SRGAP3: variants seen among roughly 807,000 people sequenced by gnomAD.
The protein encoded by SRGAP3 is SLIT-ROBO Rho GTPase activating protein 3.
SRGAP3 carries 39 observed loss-of-function variants against 121.1 expected under a neutral mutation model. The ratio of observed to expected loss-of-function variants is 0.32; its 90% confidence interval spans 0.25 to 0.42. SRGAP3 has a LOEUF of 0.42. Ranked by LOEUF, SRGAP3 falls within the 10% of genes least tolerant of loss-of-function variation. The probability of loss-of-function intolerance (pLI) is 1.00; values close to 1 mark genes in which losing one functional copy is unlikely to be tolerated. For synonymous variants in SRGAP3, 601 were observed against 570.0 expected, an observed-to-expected ratio of 1.05 and a Z score of -0.77; for missense variants, 1,213 against 1,470.6, an observed-to-expected ratio of 0.82 and a Z score of 2.86.
intron 3 of SRGAP3, among the ~76,000 whole-genome samples, chr3:9,314,183 T>C (rs929411096): frequency 3.3e-5 from 5 of 152,172 alleles, no homozygotes; most frequent in African/African-American, 1.2e-4. Flanking sequence ...TGATGATCAT[T>C]AAGTAAAGGC....
chr3:9,037,019 A>G (rs1326095728), intron 11 of SRGAP3: 1 of 152,166 alleles, frequency 6.6e-6, no homozygotes, highest in Non-Finnish European at 1.5e-5. Flanking sequence ...TCCTGAGCCC[A>G]GGAAACTGAA....
rs1319488735 is a variant in SRGAP3 at position 8,981,735 on chromosome 3, TC to T, written c.*3783del. 4 of 230,630 alleles carry T rather than the reference TC, an allele frequency of 1.7e-5. No individual in the cohort carries two copies. Among genetic ancestry groups the T allele is most frequent in the Admixed American group, 5.7e-5 (1 of 17,672 alleles). The allele number at this position is 230,630 out of a possible 1,614,324, so 14.3% of individuals were successfully genotyped here. On this transcript the variant is annotated 3_prime_UTR_variant, in exon 22 of 22. Transcript: ENST00000383836. ...TAAGGCAGATCTCTGAACTGCTGGTTCCAGCCGATAGCCAAAATATGGCTCA... is the reference window on the plus strand; with the variant it reads ...TAAGGCAGATCTCTGAACTGCTGGTTCAGCCGATAGCCAAAATATGGCTCA...
At chr3:9,217,183 C>A (rs1359074539) in intron 1 of SRGAP3, among the ~76,000 whole-genome samples, 3 of 151,984 alleles carry the variant, frequency 2.0e-5, no homozygotes, top group Non-Finnish European at 2.9e-5. Flanking sequence ...CTTTTCGACA[C>A]AATAAAAAAA....
chr3:9,174,787 C>T (rs1951117077), intron 1 of SRGAP3, among the ~76,000 whole-genome samples: 1 of 152,170 alleles, frequency 6.6e-6, no homozygotes, highest in African/African-American at 2.4e-5. Flanking sequence ...CCATGTTTTT[C>T]ATCTCATTTG....
intron 11 of SRGAP3, chr3:9,035,766 T>C (rs3732977): frequency 0.13 from 20,235 of 161,752 alleles, 1,610 homozygotes; most frequent in East Asian, 0.37. Flanking sequence ...CTCAAAATTA[T>C]CCTGCAACTA....
At chr3:9,356,196 T>TC (rs1405500117) in intron 1 of SRGAP3, among the ~76,000 whole-genome samples, 6 of 142,196 alleles carry the variant, frequency 4.2e-5, no homozygotes, top group Non-Finnish European at 6.1e-5. Context: ...TTTTTTCTTT[T>TC]TTTTTTTTTT....
intron 1 of SRGAP3, among the ~76,000 whole-genome samples, chr3:9,245,319 G>A (rs960881668): frequency 5.3e-5 from 8 of 152,166 alleles, no homozygotes; most frequent in African/African-American, 1.9e-4. Context: ...GCACTGAGGT[G>A]GTAGGCCAGC....
chr3:9,136,775 G>A (rs927337976), intron 1 of SRGAP3, among the ~76,000 whole-genome samples: 1 of 152,178 alleles, frequency 6.6e-6, no homozygotes, highest in East Asian at 1.9e-4. Context: ...CGGAGACTCC[G>A]CCAGGAGCTT....
chr3:9,322,769 G>T (rs1204123273), intron 3 of SRGAP3, among the ~76,000 whole-genome samples: 1 of 151,760 alleles, frequency 6.6e-6, no homozygotes, highest in Non-Finnish European at 1.5e-5. Context: ...GTTGGGGACT[G>T]CCATCTTAAT....
In SRGAP3 at chr3:9,239,454, C is replaced by T. The variant is rs1428830219; in HGVS notation, c.67+9431G>A. 6.6e-6 allele frequency among the ~76,000 whole-genome samples: 1 copy of T among 152,106 alleles called. No individual in the cohort carries two copies. The highest frequency in any genetic ancestry group is 1.5e-5 in the Non-Finnish European group (1 of 68,028). On this transcript the variant is annotated intron_variant, in intron 1 of 21. Coordinates refer to ENST00000383836, the MANE Select transcript of SRGAP3 (RefSeq NM_014850.4). The surrounding 1 kb of genome is among the most constrained non-coding windows in gnomAD (Gnocchi z 4.0). The stretch of plus-strand genomic sequence containing the variant: ...GAAAGAAAAATATATTTCTTGTGCA[C>T]CTGGGTTTGTAGCTGAGATTTGTTC...
At position 9,066,298 on chromosome 3, in the gene SRGAP3, G is replaced by C. The variant is rs368924421; in HGVS notation, c.487-1717C>G. On this transcript the variant is annotated intron_variant, in intron 4 of 21. Transcript: ENST00000383836. ...AACTTCTGGAATCCATGGCTCCTGG[G>C]CCTTGTTCATTCTCTTCTGTGGCTT... 1.1e-4 allele frequency among the ~76,000 whole-genome samples: 16 copies of C among 152,110 alleles called. 1 individual carries two copies. Among genetic ancestry groups the C allele is most frequent in the East Asian group, 9.6e-4 (5 of 5,196 alleles).
intron 8 of SRGAP3, among the ~76,000 whole-genome samples, chr3:9,055,885 TTTTGTTTGTTTGTTTG>T (rs146660097): frequency 2.0e-5 from 3 of 150,628 alleles, no homozygotes; most frequent in Admixed American, 2.0e-4. Flanking sequence ...TCCTTTTGTG[TTTTGTTTGTTTGTTTG>T]TTTGTTTGTT....
intron 9 of SRGAP3, among the ~76,000 whole-genome samples, chr3:9,052,355 G>A (rs559621752): frequency 1.3e-5 from 2 of 152,144 alleles, no homozygotes; most frequent in South Asian, 2.1e-4. Context: ...AAACAAAAGG[G>A]CTGTCTGGGG....
At chr3:9,153,073 G>T (rs899727480) in intron 1 of SRGAP3, among the ~76,000 whole-genome samples, 2 of 152,138 alleles carry the variant, frequency 1.3e-5, no homozygotes, top group East Asian at 3.9e-4. Flanking sequence ...AGGGAGCATG[G>T]AACCCCACCT....
chr3:9,324,683 G>A (rs1279189531), intron 3 of SRGAP3, among the ~76,000 whole-genome samples: 2 of 151,700 alleles, frequency 1.3e-5, no homozygotes, highest in African/African-American at 2.4e-5. Flanking sequence ...TGGGCTGGGT[G>A]CAGTGGCTCA....
At chr3:9,023,549 C>G (rs1273202343) in intron 14 of SRGAP3, among the ~76,000 whole-genome samples, 2 of 152,202 alleles carry the variant, frequency 1.3e-5, no homozygotes, top group African/African-American at 2.4e-5. Flanking sequence ...TTCCTCCCCA[C>G]TCCATCCAGG....
chr3:9,176,043 T>C (rs888255192), intron 1 of SRGAP3, among the ~76,000 whole-genome samples: 3 of 152,158 alleles, frequency 2.0e-5, no homozygotes, highest in Non-Finnish European at 2.9e-5. Flanking sequence ...CACCTCAGCC[T>C]CCAGAGTAGC....
chr3:9,283,694 TA>T (rs869273028), intron 3 of SRGAP3, among the ~76,000 whole-genome samples: 1 of 151,562 alleles, frequency 6.6e-6, no homozygotes, highest in Non-Finnish European at 1.5e-5. Flanking sequence ...ATAATTTTTT[TA>T]AAAAAAAGAA....
intron 1 of SRGAP3, among the ~76,000 whole-genome samples, chr3:9,155,940 C>A (rs1310592268): frequency 6.6e-6 from 1 of 152,142 alleles, no homozygotes; most frequent in Non-Finnish European, 1.5e-5. Flanking sequence ...CTCAGCCTCC[C>A]GAGTAGCTGG....
Sources: gnomAD v4.1 joint callset for allele counts (sites outside exome capture counted in the v4.1 genomes callset) on GRCh38, gnomAD v4.1.1 for gene constraint, Gnocchi (gnomAD v3.1) non-coding constraint, MANE v1.5 for transcripts, NCBI Gene and HGNC (gene_info 2026-07-23, HGNC 2026-07-21) for gene names.